The following AFG2A variants were observed in gnomAD, a reference collection of about 807,000 sequenced individuals.
AFG2A encodes the protein AAA ATPase AFG2A.
chr4:122,968,285 T>C, the AFG2A span, among the ~76,000 whole-genome samples: 8 of 152,202 alleles, frequency 5.3e-5, no homozygotes, highest in Non-Finnish European at 2.9e-5. Context: ...TTTTTTAAAA[T>C]AAACTTCTTT....
chr4:123,307,770 A>AT, the AFG2A span, among the ~76,000 whole-genome samples: 3 of 152,190 alleles, frequency 2.0e-5, no homozygotes, highest in African/African-American at 7.2e-5. Flanking sequence ...ACAATATTAT[A>AT]TTTTTGCTGT....
At chr4:122,961,267 A>G in the AFG2A span, among the ~76,000 whole-genome samples, 1 of 152,202 alleles carries the variant, frequency 6.6e-6, no homozygotes, top group Non-Finnish European at 1.5e-5. Context: ...ACATTTTCTA[A>G]AAATTGTATT....
the AFG2A span, among the ~76,000 whole-genome samples, chr4:123,105,545 C>T: frequency 6.6e-6 from 1 of 152,152 alleles, no homozygotes; most frequent in South Asian, 2.1e-4. Flanking sequence ...CAAAGTAAAC[C>T]TCCTTGAAAG....
the AFG2A span, among the ~76,000 whole-genome samples, chr4:123,076,306 C>G: frequency 6.6e-6 from 1 of 151,880 alleles, no homozygotes; most frequent in East Asian, 1.9e-4. Flanking sequence ...TTTTCCTTAC[C>G]TGTGATTTAA....
the AFG2A span, among the ~76,000 whole-genome samples, chr4:123,289,022 T>G: frequency 6.6e-6 from 1 of 152,232 alleles, no homozygotes; most frequent in Non-Finnish European, 1.5e-5. Context: ...GATTTATTTA[T>G]TTATTTCAGT....
At chr4:123,180,347 T>A in the AFG2A span, among the ~76,000 whole-genome samples, 2 of 152,174 alleles carry the variant, frequency 1.3e-5, no homozygotes, top group African/African-American at 4.8e-5. Context: ...GGAGACAGAT[T>A]TCATATTCAT....
chr4:123,082,475 T>C, the AFG2A span, among the ~76,000 whole-genome samples: 20,593 of 151,986 alleles, frequency 0.14, 1,617 homozygotes, highest in Middle Eastern at 0.2. Context: ...CTCTGTTCTG[T>C]TCTGTTGGTA....
chr4:122,977,936 G>A, the AFG2A span, among the ~76,000 whole-genome samples: 1 of 152,182 alleles, frequency 6.6e-6, no homozygotes. Context: ...TCCGCAGAGA[G>A]GACACCTGGA....
At chr4:123,050,982 A>G in the AFG2A span, among the ~76,000 whole-genome samples, 2 of 152,106 alleles carry the variant, frequency 1.3e-5, no homozygotes, top group South Asian at 4.1e-4. Context: ...CTAGCGATCC[A>G]TCCCAGCCTC....
chr4:123,107,141 C>T, the AFG2A span, among the ~76,000 whole-genome samples: 3 of 152,198 alleles, frequency 2.0e-5, no homozygotes, highest in African/African-American at 7.2e-5. Flanking sequence ...TCAGGGAGCC[C>T]CTAGGTCTGG....
the AFG2A span, among the ~76,000 whole-genome samples, chr4:122,941,123 T>C: frequency 1.3e-5 from 2 of 150,384 alleles, no homozygotes; most frequent in African/African-American, 4.9e-5. Context: ...CGGGCTCTTT[T>C]TTGGTTCCAT....
the AFG2A span, among the ~76,000 whole-genome samples, chr4:123,115,903 T>A: frequency 2.8e-3 from 428 of 152,244 alleles, 15 homozygotes; most frequent in East Asian, 0.07. Context: ...GGGGACATTT[T>A]TTAAAAAATT....
chr4:123,038,167 G>C, the AFG2A span, among the ~76,000 whole-genome samples: 2 of 152,072 alleles, frequency 1.3e-5, no homozygotes, highest in Non-Finnish European at 2.9e-5. Flanking sequence ...TTGTATCCCA[G>C]TTCTGCCATT....
the AFG2A span, among the ~76,000 whole-genome samples, chr4:122,958,385 A>G: frequency 3.9e-5 from 6 of 152,190 alleles, no homozygotes; most frequent in African/African-American, 1.4e-4. Flanking sequence ...ACTGGCATAT[A>G]TGGGTAGTTA....
the AFG2A span, among the ~76,000 whole-genome samples, chr4:123,309,426 G>T: frequency 1.3e-5 from 2 of 152,130 alleles, no homozygotes; most frequent in Non-Finnish European, 2.9e-5. Flanking sequence ...TACTAATTCT[G>T]TCAGTGAGTA....
the AFG2A span, among the ~76,000 whole-genome samples, chr4:123,225,124 T>C: frequency 6.6e-6 from 1 of 152,234 alleles, no homozygotes; most frequent in Non-Finnish European, 1.5e-5. Context: ...CTTTGTCAGA[T>C]GAGTAGATTG....
chr4:123,126,083 C>T, the AFG2A span, among the ~76,000 whole-genome samples: 1 of 152,182 alleles, frequency 6.6e-6, no homozygotes, highest in Non-Finnish European at 1.5e-5. Flanking sequence ...TTGCCCATAC[C>T]CCATGCAGCA....
the AFG2A span, among the ~76,000 whole-genome samples, chr4:122,990,977 A>G: frequency 6.6e-6 from 1 of 152,220 alleles, no homozygotes; most frequent in South Asian, 2.1e-4. Context: ...AATAAAACCA[A>G]TAGTTTCTTT....
chr4:123,128,747 A>G, the AFG2A span, among the ~76,000 whole-genome samples: 1 of 152,114 alleles, frequency 6.6e-6, no homozygotes, highest in African/African-American at 2.4e-5. Context: ...CCCTTAAATA[A>G]TTGACAAAAC....
Sources: gnomAD v4.1 joint callset for allele counts (sites outside exome capture counted in the v4.1 genomes callset) on GRCh38, gnomAD v4.1.1 for gene constraint, MANE v1.5 for transcripts, NCBI Gene and HGNC (gene_info 2026-07-23, HGNC 2026-07-21) for gene names.